The following SIPA1L1 variants were observed in gnomAD, a reference collection of about 807,000 sequenced individuals.
SIPA1L1 encodes the protein signal induced proliferation associated 1 like 1, also known as signal-induced proliferation-associated 1-like protein 1.
SIPA1L1 carries 26 observed loss-of-function variants against 162.7 expected under a neutral mutation model. The observed-to-expected ratio is 0.16, with a 90% CI of 0.12 to 0.22. The LOEUF (loss-of-function observed/expected upper bound fraction) is 0.22. Among genes scored for constraint, SIPA1L1 ranks in the 10% least tolerant of loss-of-function variants. The pLI is 1.00. For missense variants in SIPA1L1, 1,874 were observed against 2,241.0 expected (o/e 0.84, Z 3.31); for synonymous variants, 829 against 837.4 (o/e 0.99, Z 0.17).
At chr14:71,701,534 A>G (rs1313475630) in intron 14 of SIPA1L1, among the ~76,000 whole-genome samples, 2 of 152,106 alleles carry the variant, frequency 1.3e-5, no homozygotes, top group African/African-American at 4.8e-5. Context: ...GTCTTTTATT[A>G]TATGGATTAT....
At chr14:71,611,351 A>G (rs1035924498) in intron 5 of SIPA1L1, among the ~76,000 whole-genome samples, 3 of 152,196 alleles carry the variant, frequency 2.0e-5, no homozygotes, top group African/African-American at 7.2e-5. Context: ...AACCTGAAAA[A>G]TTTGAACAGT....
intron 2 of SIPA1L1, among the ~76,000 whole-genome samples, chr14:71,329,396 C>CGGG (rs2034235740): frequency 6.6e-6 from 1 of 151,156 alleles, no homozygotes; most frequent in Non-Finnish European, 1.5e-5. Context: ...AACTTCTCCA[C>CGGG]ATCCTTACCA....
At chr14:71,531,072 G>T (rs1255034839) in intron 4 of SIPA1L1, among the ~76,000 whole-genome samples, 1 of 152,078 alleles carries the variant, frequency 6.6e-6, no homozygotes, top group East Asian at 1.9e-4. Flanking sequence ...CTTTTCTCTG[G>T]TAATTGGCCT....
At chr14:71,697,436 C>CTA (rs2081730038) in intron 13 of SIPA1L1, among the ~76,000 whole-genome samples, 1 of 152,098 alleles carries the variant, frequency 6.6e-6, no homozygotes, top group Non-Finnish European at 1.5e-5. Flanking sequence ...CTTGACTAGA[C>CTA]ACATGACTTG....
In SIPA1L1 at chr14:71,639,884, C is replaced by T. The variant is rs559134335; in HGVS notation, c.1819-10451C>T. The stretch of plus-strand genomic sequence containing the variant: ...GGACATCCATAAACAAAATAATGAA[C>T]CTTGACTTTTTGGGTTTTTTTGTTT... On this transcript the variant is annotated intron_variant, in intron 7 of 23. Transcript: ENST00000381232. Among the ~76,000 whole-genome samples the T allele has an allele frequency of 2.7e-5, 4 of 148,360 alleles. No individual in the cohort carries two copies. In the East Asian group the frequency reaches 7.7e-4, roughly 29 times the overall value.
intron 2 of SIPA1L1, among the ~76,000 whole-genome samples, chr14:71,379,985 T>C (rs1000626214): frequency 6.6e-6 from 1 of 152,184 alleles, no homozygotes; most frequent in African/African-American, 2.4e-5. Flanking sequence ...TGCCTTCTTT[T>C]TGAAAATAAT....
intron 15 of SIPA1L1, among the ~76,000 whole-genome samples, chr14:71,703,020 T>C (rs1483373174): frequency 6.6e-6 from 1 of 152,242 alleles, no homozygotes; most frequent in Non-Finnish European, 1.5e-5. Context: ...ATGAAACAGC[T>C]GGGTGGAAGA....
intron 2 of SIPA1L1, among the ~76,000 whole-genome samples, chr14:71,489,541 T>C (rs567811006): frequency 3.3e-4 from 51 of 152,300 alleles, no homozygotes; most frequent in African/African-American, 1.2e-3. Flanking sequence ...TGTATTGATA[T>C]ATTCTTCAGT....
At chr14:71,734,364 T>C (rs1244925327) in intron 21 of SIPA1L1, among the ~76,000 whole-genome samples, 1 of 152,262 alleles carries the variant, frequency 6.6e-6, no homozygotes, top group Non-Finnish European at 1.5e-5. Flanking sequence ...CCTGCTGTAA[T>C]GAAAACACAA....
chr14:71,710,385 C>G, intron 17 of SIPA1L1, among the ~76,000 whole-genome samples: 1 of 152,216 alleles, frequency 6.6e-6, no homozygotes, highest in Non-Finnish European at 1.5e-5. Context: ...CATTCCATCA[C>G]TGTCTTTTTA....
At chr14:71,401,860 T>C (rs967660810) in intron 2 of SIPA1L1, among the ~76,000 whole-genome samples, 1 of 152,160 alleles carries the variant, frequency 6.6e-6, no homozygotes, top group Admixed American at 6.5e-5. Context: ...CCAGTTTTTT[T>C]CTGAAAAAAT....
At position 71,685,351 on chromosome 14, in the gene SIPA1L1, G is replaced by T. The variant is rs752265225; in HGVS notation, c.3105-11G>T. The T allele has an allele frequency of 1.9e-6, 3 of 1,613,386 alleles. No individual in the cohort carries two copies. The highest frequency in any genetic ancestry group is 2.5e-6 in the Non-Finnish European group (3 of 1,179,418). ...TCCATTGTGTTTCTCCCTGTGCCTT[G>T]CCCCTAATAGGAGTTGCTCTGAAAC... On this transcript the variant is annotated splice_polypyrimidine_tract_variant and intron_variant, in intron 12 of 23. Transcript: ENST00000381232.
intron 2 of SIPA1L1, among the ~76,000 whole-genome samples, chr14:71,443,537 G>C (rs2045093731): frequency 6.6e-6 from 1 of 152,160 alleles, no homozygotes; most frequent in South Asian, 2.1e-4. Flanking sequence ...GATGTTGCCA[G>C]TATTTAATGT....
chr14:71,704,964 A>G, intron 15 of SIPA1L1: 1 of 626,896 alleles, frequency 1.6e-6, no homozygotes. Context: ...TGCGTTGTTC[A>G]TGGCCTTTGG....
chr14:71,431,013 A>G (rs1386435297), intron 2 of SIPA1L1, among the ~76,000 whole-genome samples: 1 of 151,712 alleles, frequency 6.6e-6, no homozygotes, highest in African/African-American at 2.4e-5. Flanking sequence ...TTATTTAGGG[A>G]AAAAAAACTT....
At chr14:71,604,411 G>A (rs1011482478) in intron 5 of SIPA1L1, among the ~76,000 whole-genome samples, 1 of 152,048 alleles carries the variant, frequency 6.6e-6, no homozygotes, top group Non-Finnish European at 1.5e-5. Flanking sequence ...CCAGAGTGCT[G>A]GGATTACAGG....
intron 4 of SIPA1L1, among the ~76,000 whole-genome samples, chr14:71,532,053 G>C (rs973348738): frequency 1.3e-5 from 2 of 150,974 alleles, no homozygotes; most frequent in East Asian, 3.9e-4. Context: ...TTACTTAAAT[G>C]TTTAACATTT....
intron 2 of SIPA1L1, among the ~76,000 whole-genome samples, chr14:71,446,203 G>A (rs189653572): frequency 6.6e-6 from 1 of 152,094 alleles, no homozygotes; most frequent in African/African-American, 2.4e-5. Context: ...GTAAGTAAAA[G>A]AAGCTGATTT....
intron 17 of SIPA1L1, among the ~76,000 whole-genome samples, chr14:71,719,255 G>A (rs1161770189): frequency 6.6e-6 from 1 of 152,062 alleles, no homozygotes; most frequent in African/African-American, 2.4e-5. Context: ...AAGAATTCCT[G>A]TACATGTCCT....
Sources: gnomAD v4.1 joint callset for allele counts (sites outside exome capture counted in the v4.1 genomes callset) on GRCh38, gnomAD v4.1.1 for gene constraint, MANE v1.5 for transcripts, NCBI Gene and HGNC (gene_info 2026-07-23, HGNC 2026-07-21) for gene names.